The following TTI1 variants were observed in gnomAD, a reference collection of about 807,000 sequenced individuals.
TTI1 encodes TELO2-interacting protein 1 homolog.
A neutral mutation model predicts 85.4 loss-of-function variants in TTI1; 52 were observed. That is an observed-to-expected ratio of 0.61 (90% CI 0.49 to 0.77). The LOEUF (loss-of-function observed/expected upper bound fraction) is 0.77, where lower values mean the gene tolerates loss of function less well. Ranked by LOEUF, TTI1 falls within the 30% of genes least tolerant of loss-of-function variation. The probability of loss-of-function intolerance (pLI) is 0.00; values close to 1 mark genes in which losing one functional copy is unlikely to be tolerated. For synonymous variants in TTI1, 512 were observed against 503.9 expected (o/e 1.02, Z -0.22); for missense variants, 1,173 against 1,296.0 (o/e 0.91, Z 1.46).
chr20:38,006,377 CTG>C lies in TTI1; in HGVS notation c.2321_2322del (p.Thr774ArgfsTer2), dbSNP rs2073500218. On this transcript the variant is annotated frameshift_variant, in exon 3 of 8. Transcript: ENST00000373447. LOFTEE classifies it high-confidence loss of function. ...MAALAQWFPD[T>X]GNLGHLQEQS... is the part of the protein sequence containing the mutation. ...TGCTCTTGGAGGTGCCCAAGATTAC[CTG>C]TGTCTGGGAACCACTGGGCTGTAAA... 1 of 1,614,172 alleles carries C rather than the reference CTG, an allele frequency of 6.2e-7. No homozygotes were observed. Among genetic ancestry groups the C allele is most frequent in the African/African-American group, 1.3e-5 (1 of 75,040 alleles).
At chr20:37,994,087 C>G (rs1453808905) in intron 7 of TTI1, among the ~76,000 whole-genome samples, 2 of 152,178 alleles carry the variant, frequency 1.3e-5, no homozygotes, top group Non-Finnish European at 2.9e-5. Flanking sequence ...GGATGGATGG[C>G]AGGGCCATGT....
chr20:37,999,442 C>T, intron 4 of TTI1, 114 bp from the exon 5 acceptor site: 1 of 1,162,150 alleles, frequency 8.6e-7, no homozygotes, highest in Non-Finnish European at 1.1e-6. Flanking sequence ...TAATTGTTTT[C>T]TGAGTGCTGA....
rs3038751 is a variant in TTI1 at position 38,030,528 on chromosome 20, A to AACACACACACACACAC, written c.-42+2860_-42+2875dup. Among the ~76,000 whole-genome samples, 1,339 of 144,900 alleles carry AACACACACACACACAC rather than the reference A, an allele frequency of 9.2e-3. 23 individuals are homozygous for AACACACACACACACAC. Among genetic ancestry groups the AACACACACACACACAC allele is most frequent in the African/African-American group, 0.032 (1,221 of 38,696 alleles). ...TATTAGGAAATTCAGCAGTATGTAA[A>AACACACACACACACAC]ACACACACACACACACACACACACA... On this transcript the variant is annotated intron_variant, in intron 1 of 7. Transcript: ENST00000373447.
intron 1 of TTI1, among the ~76,000 whole-genome samples, chr20:38,016,514 A>G (rs922561615): frequency 1.3e-5 from 2 of 152,246 alleles, no homozygotes; most frequent in African/African-American, 2.4e-5. Context: ...GGGAATACAC[A>G]GTATGTCTAA....
chr20:37,993,481 A>G (rs1464898866), intron 7 of TTI1, among the ~76,000 whole-genome samples: 1 of 152,140 alleles, frequency 6.6e-6, no homozygotes, highest in Non-Finnish European at 1.5e-5. Context: ...GGAAAAACCC[A>G]AGCATGATGC....
In TTI1 at chr20:38,011,700, A is replaced by C; in HGVS notation, c.2117T>G (p.Leu706Arg). Residue 706 changes from leucine to arginine, a missense_variant, in exon 2 of 8, where the codon CTG (leucine) becomes CGG (arginine). By Grantham distance (102) the Leu-to-Arg change is moderately radical (BLOSUM62 -2). Coordinates refer to ENST00000373447, the MANE Select transcript of TTI1 (RefSeq NM_001303457.2). ...DYLVNGISLN[L>R]RHLALHPHTP... ...ATGAGGATGCAGAGCCAGATGACGC[A>C]GATTTAAAGAGATCCCATTCACTAA... The C allele has an allele frequency of 6.2e-7, 1 of 1,614,212 alleles. No homozygotes were observed.
chr20:38,020,548 T>A (rs1264165191), intron 1 of TTI1, among the ~76,000 whole-genome samples: 2 of 151,564 alleles, frequency 1.3e-5, no homozygotes, highest in Admixed American at 6.6e-5. Context: ...GAAGACACTA[T>A]TACAGAGTGA....
chr20:38,005,772 GA>G (rs1381823529), intron 3 of TTI1: 4 of 143,824 alleles, frequency 2.8e-5, no homozygotes, highest in African/African-American at 1.1e-4. Context: ...GGAATTTAAA[GA>G]AATATGCAAA....
chr20:37,989,662 G>A (rs751564735), intron 7 of TTI1, among the ~76,000 whole-genome samples: 29 of 152,202 alleles, frequency 1.9e-4, no homozygotes, highest in Non-Finnish European at 3.7e-4. Flanking sequence ...GGGCTGACTC[G>A]GACCTTTCCC....
chr20:38,018,381 AG>A (rs2073714833), intron 1 of TTI1, among the ~76,000 whole-genome samples: 1 of 152,228 alleles, frequency 6.6e-6, no homozygotes, highest in African/African-American at 2.4e-5. Flanking sequence ...TGGACTTAGC[AG>A]GAGACAAGAT....
At chr20:38,001,657 A>G (rs2073427143) in intron 4 of TTI1, among the ~76,000 whole-genome samples, 1 of 151,942 alleles carries the variant, frequency 6.6e-6, no homozygotes, top group African/African-American at 2.4e-5. Flanking sequence ...CTAGCCCATC[A>G]CCCCTGAGCA....
At chr20:38,031,850 T>C (rs1038401400) in intron 1 of TTI1, among the ~76,000 whole-genome samples, 10 of 152,228 alleles carry the variant, frequency 6.6e-5, no homozygotes, top group African/African-American at 1.9e-4. Flanking sequence ...GTCTATCAAA[T>C]AGTGATTGTA....
chr20:37,989,213 C>T (rs1600601670), intron 7 of TTI1, among the ~76,000 whole-genome samples: 1 of 152,212 alleles, frequency 6.6e-6, no homozygotes. Context: ...TATACATGCT[C>T]GTTTGACTTA....
intron 7 of TTI1, among the ~76,000 whole-genome samples, chr20:37,984,916 CAAT>C (rs1249283654): frequency 1.3e-5 from 2 of 152,194 alleles, no homozygotes; most frequent in Non-Finnish European, 2.9e-5. Context: ...GTCCATGTAA[CAAT>C]GAGTTCTCAT....
intron 7 of TTI1, among the ~76,000 whole-genome samples, chr20:37,990,888 TC>T (rs2073255041): frequency 6.6e-6 from 1 of 152,172 alleles, no homozygotes; most frequent in Admixed American, 6.5e-5. Context: ...TGGCAGGTTA[TC>T]AGTGACATGA....
intron 7 of TTI1, among the ~76,000 whole-genome samples, chr20:37,984,701 T>A (rs144874634): frequency 6.6e-6 from 1 of 152,276 alleles, no homozygotes; most frequent in Non-Finnish European, 1.5e-5. Context: ...AGGCTGCCCC[T>A]TACTTTTCTC....
chr20:38,027,200 G>C (rs1480913546), intron 1 of TTI1, among the ~76,000 whole-genome samples: 1 of 152,114 alleles, frequency 6.6e-6, no homozygotes, highest in East Asian at 1.9e-4. Context: ...CAAAATCAGA[G>C]GATGTTGAAG....
intron 4 of TTI1, 53 bp from the exon 5 acceptor site, chr20:37,999,381 G>C (rs1308521588): frequency 7.5e-6 from 10 of 1,334,158 alleles, no homozygotes; most frequent in Non-Finnish European, 8.7e-6. Context: ...CAGATACCTG[G>C]GATCAAGTCA....
chr20:38,015,898 G>T (rs1056981075), intron 1 of TTI1, among the ~76,000 whole-genome samples: 2 of 152,168 alleles, frequency 1.3e-5, no homozygotes, highest in African/African-American at 4.8e-5. Context: ...TTTGAAAGGA[G>T]AAACATTTCC....
Sources: gnomAD v4.1 joint callset for allele counts (sites outside exome capture counted in the v4.1 genomes callset) on GRCh38, gnomAD v4.1.1 for gene constraint, MANE v1.5 for transcripts, NCBI Gene and HGNC (gene_info 2026-07-23, HGNC 2026-07-21) for gene names.